The following SNTG1 variants were observed in gnomAD, a reference collection of about 807,000 sequenced individuals.
SNTG1 encodes the protein syntrophin gamma 1, also known as gamma-1-syntrophin.
A neutral mutation model predicts 74.7 loss-of-function variants in SNTG1; 39 were observed. The ratio of observed to expected loss-of-function variants is 0.52; its 90% CI spans 0.40 to 0.68. The LOEUF (loss-of-function observed/expected upper bound fraction) is 0.68. Ranked by LOEUF, SNTG1 falls within the 30% of genes least tolerant of loss-of-function variation. SNTG1 has a pLI of 0.00. For missense variants in SNTG1, 685 were observed against 609.5 expected, an observed-to-expected ratio of 1.12 and a Z score of -1.30; for synonymous variants, 254 against 217.1, an observed-to-expected ratio of 1.17 and a Z score of -1.49.
chr8:50,495,706 C>CTTAT (rs1424721375), intron 8 of SNTG1, among the ~76,000 whole-genome samples: 1 of 152,190 alleles, frequency 6.6e-6, no homozygotes, highest in Non-Finnish European at 1.5e-5. Flanking sequence ...TTAAGAAGGC[C>CTTAT]TTATCTCCTG....
intron 1 of SNTG1, among the ~76,000 whole-genome samples, chr8:50,077,872 T>A (rs1822036367): frequency 6.6e-6 from 1 of 152,176 alleles, no homozygotes. Context: ...TAAAGTTTTA[T>A]AGTTCCAACT....
intron 2 of SNTG1, among the ~76,000 whole-genome samples, chr8:50,306,680 C>A (rs1450051111): frequency 1.3e-5 from 2 of 151,754 alleles, no homozygotes; most frequent in Non-Finnish European, 2.9e-5. Context: ...GTTTGTTAGC[C>A]ATTTTTATAT....
intron 1 of SNTG1, among the ~76,000 whole-genome samples, chr8:50,167,491 T>C (rs1010098990): frequency 3.3e-5 from 5 of 151,762 alleles, no homozygotes; most frequent in Admixed American, 2.6e-4. Context: ...TTATATGTAA[T>C]GGTCCTGATA....
At chr8:50,644,083 G>T (rs2095091565) in intron 13 of SNTG1, 1 of 152,392 alleles carries the variant, frequency 6.6e-6, no homozygotes, top group Non-Finnish European at 1.5e-5. Flanking sequence ...GCCGAGGGAA[G>T]ATAGCAGTGG....
chr8:50,350,052 G>A (rs1475412769), intron 2 of SNTG1, among the ~76,000 whole-genome samples: 1 of 152,196 alleles, frequency 6.6e-6, no homozygotes, highest in East Asian at 1.9e-4. Context: ...GAGGGGCTTA[G>A]CACCCTGGCC....
chr8:49,977,271 C>T (rs905054131), intron 1 of SNTG1, among the ~76,000 whole-genome samples: 15 of 148,500 alleles, frequency 1.0e-4, no homozygotes, highest in African/African-American at 3.6e-4. Context: ...ATAATTTAGA[C>T]TGTTTTTTTT....
chr8:50,596,392 A>G (rs948971440), intron 13 of SNTG1, among the ~76,000 whole-genome samples: 1 of 152,052 alleles, frequency 6.6e-6, no homozygotes, highest in African/African-American at 2.4e-5. Flanking sequence ...TAAATTTTCA[A>G]CTATTTTTTA....
At chr8:50,012,225 A>C (rs1338589249) in intron 1 of SNTG1, among the ~76,000 whole-genome samples, 1 of 152,150 alleles carries the variant, frequency 6.6e-6, no homozygotes, top group Non-Finnish European at 1.5e-5. Context: ...CGTTGCCTGC[A>C]TCTTCTTTCC....
Position 49,984,612 on chromosome 8 carries a change from C to T in SNTG1, c.-103+72381C>T, listed in dbSNP as rs1054087976. Among the ~76,000 whole-genome samples the T allele has an allele frequency of 1.1e-4, 17 of 152,034 alleles. 1 individual carries two copies. Among genetic ancestry groups the T allele is most frequent in the African/African-American group, 4.1e-4 (17 of 41,396 alleles). On this transcript the variant is annotated intron_variant, in intron 1 of 18. Coordinates refer to ENST00000642720, the MANE Select transcript of SNTG1 (RefSeq NM_018967.5). ...ATGTATAACTTATATGGTTCAATTACTTGTATTGTTTGTTGTAAAATCTTA... is the reference window on the plus strand; with the variant it reads ...ATGTATAACTTATATGGTTCAATTATTTGTATTGTTTGTTGTAAAATCTTA...
At chr8:50,614,414 A>G (rs1488783307) in intron 13 of SNTG1, among the ~76,000 whole-genome samples, 1 of 152,104 alleles carries the variant, frequency 6.6e-6, no homozygotes, top group African/African-American at 2.4e-5. Flanking sequence ...GAATCAAGAG[A>G]TCATTTTATT....
chr8:50,185,555 T>A (rs1382741943), intron 2 of SNTG1, among the ~76,000 whole-genome samples: 1 of 152,148 alleles, frequency 6.6e-6, no homozygotes, highest in Non-Finnish European at 1.5e-5. Flanking sequence ...CTGAGTAAGT[T>A]CCCACATAGA....
intron 1 of SNTG1, among the ~76,000 whole-genome samples, chr8:50,007,579 A>C (rs544710051): frequency 2.0e-5 from 3 of 152,124 alleles, no homozygotes; most frequent in African/African-American, 7.2e-5. Context: ...AAAGGTAAAA[A>C]CCATATAATG....
intron 1 of SNTG1, among the ~76,000 whole-genome samples, chr8:50,080,995 C>G (rs945011733): frequency 5.9e-5 from 9 of 152,052 alleles, no homozygotes; most frequent in African/African-American, 2.2e-4. Context: ...TCATATATAT[C>G]TATATGTTAT....
intron 18 of SNTG1, among the ~76,000 whole-genome samples, chr8:50,779,802 C>T (rs532271780): frequency 1.3e-5 from 2 of 152,094 alleles, no homozygotes; most frequent in South Asian, 4.1e-4. Flanking sequence ...GGAATGCTTC[C>T]AGTTTTTGCC....
intron 2 of SNTG1, among the ~76,000 whole-genome samples, chr8:50,210,385 A>G (rs140776686): frequency 0.012 from 1,895 of 152,274 alleles, 66 homozygotes; most frequent in East Asian, 0.11. Context: ...GAACTCCACA[A>G]AGATATTCCT....
At chr8:49,981,155 A>G (rs1812644979) in intron 1 of SNTG1, among the ~76,000 whole-genome samples, 1 of 152,230 alleles carries the variant, frequency 6.6e-6, no homozygotes, top group African/African-American at 2.4e-5. Flanking sequence ...AAGGAAAGCC[A>G]TGTGAGTTAA....
chr8:50,619,747 A>AG (rs2094909337), intron 13 of SNTG1, among the ~76,000 whole-genome samples: 1 of 151,458 alleles, frequency 6.6e-6, no homozygotes, highest in African/African-American at 2.4e-5. Context: ...AAAAAAAAAA[A>AG]AAAGAAAGAT....
At chr8:50,434,844 C>T (rs1245394844) in intron 4 of SNTG1, among the ~76,000 whole-genome samples, 3 of 152,076 alleles carry the variant, frequency 2.0e-5, no homozygotes, top group East Asian at 1.9e-4. Flanking sequence ...GTTCTACAAA[C>T]AATAATGTAT....
At chr8:50,515,529 C>A (rs1258715972) in intron 9 of SNTG1, among the ~76,000 whole-genome samples, 2 of 151,734 alleles carry the variant, frequency 1.3e-5, no homozygotes, top group Non-Finnish European at 2.9e-5. Context: ...CCCCCACGGA[C>A]CCTAGCAAGC....
Sources: allele counts gnomAD v4.1 joint callset (sites outside exome capture counted in the v4.1 genomes callset), GRCh38; gene constraint gnomAD v4.1.1; transcripts MANE v1.5; gene names NCBI Gene and HGNC (gene_info 2026-07-23, HGNC 2026-07-21).